Variants in SLC41A3 observed in about 807,000 individuals in gnomAD.
The protein encoded by SLC41A3 is solute carrier family 41 member 3.
Under a neutral mutation model 45.4 loss-of-function variants are expected in SLC41A3, and 44 were observed. The observed-to-expected ratio is 0.97, with a 90% CI of 0.76 to 1.25. The LOEUF is 1.25. Among genes scored for constraint, SLC41A3 ranks in the 50% most tolerant of loss-of-function variants. The pLI is 0.00. For missense variants in SLC41A3, 550 were observed against 600.6 expected (o/e 0.92, Z 0.88); for synonymous variants, 256 against 252.4 (o/e 1.01, Z -0.13).
At chr3:126,077,048 CAT>C (rs751565441) in intron 1 of SLC41A3, among the ~76,000 whole-genome samples, 11 of 152,246 alleles carry the variant, frequency 7.2e-5, no homozygotes, top group African/African-American at 1.7e-4. Context: ...ACAAAAGTGA[CAT>C]GTGTTAATAA....
chr3:126,034,576 G>T (rs961174148), intron 3 of SLC41A3, among the ~76,000 whole-genome samples: 1 of 152,352 alleles, frequency 6.6e-6, no homozygotes. Context: ...CTCTTGAGTA[G>T]ATATGACACC....
chr3:126,012,121 C>A (rs1237643123), intron 9 of SLC41A3, among the ~76,000 whole-genome samples: 1 of 152,224 alleles, frequency 6.6e-6, no homozygotes, highest in Non-Finnish European at 1.5e-5. Context: ...TTGCCACACT[C>A]CTTCCTGCCT....
intron 2 of SLC41A3, among the ~76,000 whole-genome samples, chr3:126,067,094 C>CCCCCCCG (rs1553743032): frequency 8.7e-5 from 11 of 126,204 alleles, no homozygotes; most frequent in African/African-American, 1.3e-4. Flanking sequence ...GGTTGGACCG[C>CCCCCCCG]CCCCCCGCCC....
At chr3:126,092,332 T>C (rs1434643296) in intron 1 of SLC41A3, among the ~76,000 whole-genome samples, 1 of 152,274 alleles carries the variant, frequency 6.6e-6, no homozygotes, top group East Asian at 1.9e-4. Flanking sequence ...GGCATGTTCC[T>C]GCTGCAGATA....
chr3:126,006,912 C>G lies in SLC41A3; in HGVS notation c.*104G>C. 1 of 1,564,152 alleles carries G rather than the reference C, an allele frequency of 6.4e-7. No individual in the cohort carries two copies. Among genetic ancestry groups the G allele is most frequent in the Non-Finnish European group, 8.7e-7 (1 of 1,155,394 alleles). ...GACTCACAAAAGGCTACTGCAGAGG[C>G]AGGGGTCAACCATCCCAAGGACCTG... On this transcript the variant is annotated 3_prime_UTR_variant, in exon 11 of 11. Transcript: ENST00000360370.
intron 9 of SLC41A3, 135 bp downstream of exon 9, chr3:126,012,480 G>T: frequency 1.7e-6 from 2 of 1,146,488 alleles, no homozygotes; most frequent in Non-Finnish European, 2.5e-6. Flanking sequence ...CATTTCTGGG[G>T]CCCTGAAGGT....
intron 2 of SLC41A3, 29 bp downstream of exon 2, chr3:126,067,917 GC>G (rs1944431615): frequency 1.0e-5 from 16 of 1,550,066 alleles, no homozygotes; most frequent in Non-Finnish European, 1.4e-5. Flanking sequence ...GCAGTGCCCC[GC>G]TCCCTGTCCC....
chr3:126,033,758 T>C (rs1213431028), intron 3 of SLC41A3, 80 bp from the exon 4 acceptor site: 1 of 1,423,570 alleles, frequency 7.0e-7, no homozygotes, highest in African/African-American at 1.4e-5. Context: ...AGGCAGTCTC[T>C]CAGGGAAGAA....
chr3:126,056,101 G>C (rs906538044), intron 2 of SLC41A3, among the ~76,000 whole-genome samples: 1 of 152,156 alleles, frequency 6.6e-6, no homozygotes, highest in East Asian at 1.9e-4. Flanking sequence ...TGAGCTCCTT[G>C]GGCTGAGGAG....
At chr3:126,081,119 T>C in intron 1 of SLC41A3, among the ~76,000 whole-genome samples, 1 of 152,204 alleles carries the variant, frequency 6.6e-6, no homozygotes, top group East Asian at 1.9e-4. Flanking sequence ...TAAGTTTCCA[T>C]ACCAGATGAA....
At chr3:126,031,335 G>A (rs1941781425) in intron 4 of SLC41A3, among the ~76,000 whole-genome samples, 1 of 152,184 alleles carries the variant, frequency 6.6e-6, no homozygotes. Flanking sequence ...GAACTTGTGG[G>A]AAGTTATCTT....
intron 2 of SLC41A3, among the ~76,000 whole-genome samples, chr3:126,059,606 TAGTGTCAA>T (rs1291829092): frequency 6.6e-6 from 1 of 152,090 alleles, no homozygotes; most frequent in African/African-American, 2.4e-5. Context: ...CACAGCAAGT[TAGTGTCAA>T]AGGCAGGCCG....
chr3:126,072,903 T>C (rs769910180), intron 1 of SLC41A3, among the ~76,000 whole-genome samples: 3 of 152,138 alleles, frequency 2.0e-5, no homozygotes, highest in Non-Finnish European at 4.4e-5. Flanking sequence ...ATAAAGAATA[T>C]GTAGTACATA....
intron 1 of SLC41A3, among the ~76,000 whole-genome samples, chr3:126,074,060 A>G (rs1378842613): frequency 6.6e-6 from 1 of 152,102 alleles, no homozygotes; most frequent in Non-Finnish European, 1.5e-5. Context: ...AATACACCAA[A>G]TTAATAGAAT....
At chr3:126,100,544 G>C (rs1254119511) in intron 1 of SLC41A3, among the ~76,000 whole-genome samples, 1 of 152,182 alleles carries the variant, frequency 6.6e-6, no homozygotes, top group Non-Finnish European at 1.5e-5. Flanking sequence ...TCACACTGGG[G>C]AAGGTCATAA....
chr3:126,039,914 C>T (rs1365826974), intron 3 of SLC41A3, among the ~76,000 whole-genome samples: 3 of 152,202 alleles, frequency 2.0e-5, no homozygotes, highest in African/African-American at 7.2e-5. Context: ...AGAAGTGTGG[C>T]ATCCCAGGAG....
chr3:126,035,985 G>C (rs1010050178), intron 3 of SLC41A3, among the ~76,000 whole-genome samples: 1 of 152,192 alleles, frequency 6.6e-6, no homozygotes, highest in Admixed American at 6.5e-5. Flanking sequence ...CCAGTGGGAG[G>C]CAGGAGCATC....
intron 1 of SLC41A3, among the ~76,000 whole-genome samples, chr3:126,098,675 C>T (rs1192858208): frequency 2.6e-5 from 4 of 152,262 alleles, no homozygotes; most frequent in Non-Finnish European, 5.9e-5. Flanking sequence ...GCCCTGCCCA[C>T]ACCTTCCCTC....
intron 6 of SLC41A3, among the ~76,000 whole-genome samples, chr3:126,020,198 C>G (rs917217222): frequency 3.9e-5 from 6 of 152,138 alleles, no homozygotes; most frequent in African/African-American, 9.7e-5. Context: ...GAGCGCTGCA[C>G]TGGGATACAG....
Sources: gnomAD v4.1 joint callset for allele counts (sites outside exome capture counted in the v4.1 genomes callset) on GRCh38, gnomAD v4.1.1 for gene constraint, MANE v1.5 for transcripts, NCBI Gene and HGNC (gene_info 2026-07-23, HGNC 2026-07-21) for gene names.